Variants in NOS1 observed in about 807,000 individuals in gnomAD.
NOS1 encodes the protein NOS type I.
In NOS1, 51 loss-of-function variants were observed where a neutral mutation model predicts 164.5. The observed-to-expected ratio is 0.31, with a 90% CI of 0.25 to 0.39. NOS1 has a LOEUF of 0.39. NOS1 is among the 10% of genes least tolerant of loss of function. NOS1 has a pLI of 1.00. For synonymous variants in NOS1, 719 were observed against 745.8 expected (o/e 0.96, Z 0.59); for missense variants, 1,362 against 1,885.6 (o/e 0.72, Z 5.14).
In NOS1 at chr12:117,210,476, G is replaced by A. The variant is rs1197835612; in HGVS notation, c.*4833C>T. 1 of 985,354 alleles carries A rather than the reference G, an allele frequency of 1.0e-6. No individual in the cohort carries two copies. Among genetic ancestry groups the A allele is most frequent in the African/African-American group, 1.7e-5 (1 of 57,224 alleles). 61.0% of individuals were successfully genotyped at this position (985,354 alleles called of 1,614,324 possible). A position where few individuals can be genotyped will look rare whatever the true frequency, so the allele number is the denominator to read the frequency against. On this transcript the variant is annotated 3_prime_UTR_variant, in exon 29 of 29. Coordinates refer to ENST00000317775, the MANE Select transcript of NOS1 (RefSeq NM_000620.5). ...GGCCACAGCGGCATGCTGGGTATGTGGGGCAGCGGGTAGGGAAATATACAA... is the reference window on the plus strand; with the variant it reads ...GGCCACAGCGGCATGCTGGGTATGTAGGGCAGCGGGTAGGGAAATATACAA...
chr12:117,262,108 G>A (rs1269322065), intron 13 of NOS1, among the ~76,000 whole-genome samples: 1 of 152,158 alleles, frequency 6.6e-6, no homozygotes, highest in African/African-American at 2.4e-5. Context: ...AACCGCCCAC[G>A]ATGCAGGAAG....
At chr12:117,297,723 T>C (rs996696370) in intron 3 of NOS1, among the ~76,000 whole-genome samples, 3 of 151,952 alleles carry the variant, frequency 2.0e-5, no homozygotes, top group Non-Finnish European at 2.9e-5. Context: ...CACTAGGAAG[T>C]AAGAAGCAGG....
Position 117,214,750 on chromosome 12 carries a change from C to T in NOS1, c.*559G>A. ...TATGGGCCAGGGACACGTTTCTTGG[C>T]ATTGAGGGTCTTCAATGAAAGCAGT... On this transcript the variant is annotated 3_prime_UTR_variant, in exon 29 of 29. Transcript: ENST00000317775. 1 of 985,202 alleles carries T rather than the reference C, an allele frequency of 1.0e-6. No individual in the cohort carries two copies. The highest frequency in any genetic ancestry group is 1.2e-6 in the Non-Finnish European group (1 of 829,996). 61.0% of individuals were successfully genotyped at this position (985,202 alleles called of 1,614,324 possible). A position where few individuals can be genotyped will look rare whatever the true frequency, so the allele number is the denominator to read the frequency against.
At chr12:117,290,246 G>T in intron 4 of NOS1, 52 bp downstream of exon 4, 1 of 1,601,480 alleles carries the variant, frequency 6.2e-7, no homozygotes. Flanking sequence ...CTCCAAATGT[G>T]GATAGTGATG....
chr12:117,302,092 C>T (rs1873848228), intron 3 of NOS1: 1 of 456,568 alleles, frequency 2.2e-6, no homozygotes, highest in African/African-American at 2.0e-5. Flanking sequence ...GAGACAATCA[C>T]AGTATTTCAT....
At chr12:117,245,174 A>T (rs1284906602) in intron 18 of NOS1, among the ~76,000 whole-genome samples, 4 of 152,126 alleles carry the variant, frequency 2.6e-5, no homozygotes, top group African/African-American at 9.7e-5. Flanking sequence ...GAAAAGCGCC[A>T]ACTGAATGAC....
In NOS1 at chr12:117,280,824, G is replaced by T; in HGVS notation, c.1425C>A (p.His475Gln). Residue 475 changes from histidine to glutamine, a missense_variant, in exon 8 of 29, where the codon CAC becomes CAA. By Grantham distance (24) the His-to-Gln change is conservative. This residue lies in a region of NOS1 where 134 missense variants were observed against 267.3 expected (regional missense o/e 0.50). Coordinates refer to ENST00000317775, the MANE Select transcript of NOS1 (RefSeq NM_000620.5). ...TIFPQRTDGKHDFRVWNSQLI... is the reference protein window; with the variant it reads ...TIFPQRTDGKQDFRVWNSQLI... ...GCTGGGAGTTCCAGACTCGGAAGTC[G>T]TGCTTGCCGTCTGTCCTCTGGGGGA... The T allele has an allele frequency of 1.2e-6, 2 of 1,614,178 alleles. No homozygotes were observed. Among genetic ancestry groups the T allele is most frequent in the East Asian group, 2.2e-5 (1 of 44,872 alleles).
intron 26 of NOS1, among the ~76,000 whole-genome samples, chr12:117,221,503 C>T (rs906577470): frequency 1.3e-5 from 2 of 151,680 alleles, no homozygotes; most frequent in African/African-American, 4.8e-5. Flanking sequence ...AGGTTGGTCT[C>T]GAACTCCTGA....
chr12:117,253,466 G>A (rs1028752309), intron 17 of NOS1, among the ~76,000 whole-genome samples, 172 bp downstream of exon 17: 1 of 152,054 alleles, frequency 6.6e-6, no homozygotes, highest in African/African-American at 2.4e-5. Context: ...GGGAGACCAG[G>A]CAATGTGACT....
At chr12:117,308,860 G>A (rs921377912) in intron 3 of NOS1, among the ~76,000 whole-genome samples, 5 of 152,172 alleles carry the variant, frequency 3.3e-5, no homozygotes, top group Non-Finnish European at 7.3e-5. Flanking sequence ...CTCCCAAAGT[G>A]CTGGGATTAC....
intron 1 of NOS1, among the ~76,000 whole-genome samples, chr12:117,343,619 G>GCA: frequency 6.6e-6 from 1 of 152,176 alleles, no homozygotes; most frequent in East Asian, 1.9e-4. Flanking sequence ...ACCGTAAAGG[G>GCA]CACTTTGTAA....
Position 117,356,458 on chromosome 12 carries a change from C to A in NOS1, c.-421+5054G>T, listed in dbSNP as rs532536572. ...CCTGTCCTGGGTCCTACCACAGCAC[C>A]TCACCTCCACCTCTCTTGCAGAAAC... On this transcript the variant is annotated intron_variant, in intron 1 of 28. Coordinates refer to ENST00000317775, the MANE Select transcript of NOS1 (RefSeq NM_000620.5). The surrounding 1 kb of genome is among the most constrained non-coding windows in gnomAD (Gnocchi z 4.2). 1.3e-5 allele frequency among the ~76,000 whole-genome samples: 2 copies of A among 152,306 alleles called. No homozygotes were observed. Among genetic ancestry groups the A allele is most frequent in the East Asian group, 3.9e-4 (2 of 5,172 alleles).
At chr12:117,343,015 T>C (rs1199805318) in intron 1 of NOS1, among the ~76,000 whole-genome samples, 1 of 152,060 alleles carries the variant, frequency 6.6e-6, no homozygotes, top group Non-Finnish European at 1.5e-5. Context: ...AAGGATTTCC[T>C]GAGAGAGGGA....
intron 2 of NOS1, among the ~76,000 whole-genome samples, chr12:117,317,480 A>G (rs3782211): frequency 0.17 from 24,640 of 147,976 alleles, 2,340 homozygotes; most frequent in East Asian, 0.27. Flanking sequence ...TATCCCCAAA[A>G]TTGTCACAAC....
intron 3 of NOS1, among the ~76,000 whole-genome samples, chr12:117,311,086 G>A (rs1045315586): frequency 6.6e-6 from 1 of 152,182 alleles, no homozygotes; most frequent in Non-Finnish European, 1.5e-5. Context: ...GGCTGGTCTT[G>A]AACTCTGGAC....
chr12:117,339,150 G>A (rs1018504293), intron 1 of NOS1, among the ~76,000 whole-genome samples: 1 of 152,172 alleles, frequency 6.6e-6, no homozygotes, highest in Non-Finnish European at 1.5e-5. Flanking sequence ...AGTCATGGCG[G>A]CAAACCCACA....
At chr12:117,347,590 G>A (rs763280129) in intron 1 of NOS1, among the ~76,000 whole-genome samples, 1 of 152,190 alleles carries the variant, frequency 6.6e-6, no homozygotes, top group Non-Finnish European at 1.5e-5. Flanking sequence ...GAGTTTTAAA[G>A]GGCAACAAGG....
chr12:117,348,354 G>C (rs1337085022), intron 1 of NOS1: 1 of 152,146 alleles, frequency 6.6e-6, no homozygotes, highest in Non-Finnish European at 1.5e-5. Flanking sequence ...ACGTGACTCG[G>C]TCAAGGGCTT....
intron 23 of NOS1, 81 bp from the exon 24 acceptor site, chr12:117,226,851 C>A: frequency 9.5e-7 from 1 of 1,056,632 alleles, no homozygotes; most frequent in Non-Finnish European, 1.5e-6. Flanking sequence ...GCAAAATACC[C>A]ACAGGCCCAG....
Sources: allele counts gnomAD v4.1 joint callset (sites outside exome capture counted in the v4.1 genomes callset), GRCh38; gene constraint gnomAD v4.1.1; regional missense constraint gnomAD v4.1.1; non-coding constraint Gnocchi (gnomAD v3.1); transcripts MANE v1.5; gene names NCBI Gene and HGNC (gene_info 2026-07-23, HGNC 2026-07-21).